MRTFA: variants seen among roughly 807,000 people sequenced by gnomAD.
The protein encoded by MRTFA is myocardin-related transcription factor A.
A neutral mutation model predicts 83.5 loss-of-function variants in MRTFA; 20 were observed. The observed-to-expected ratio is 0.24, with a 90% CI of 0.17 to 0.35. The LOEUF is 0.35. MRTFA is among the 10% of genes least tolerant of loss of function. The pLI is 1.00. For missense variants in MRTFA, 1,200 were observed against 1,224.7 expected, an observed-to-expected ratio of 0.98 and a Z score of 0.30; for synonymous variants, 659 against 541.2, an observed-to-expected ratio of 1.22 and a Z score of -3.02.
intron 2 of MRTFA, among the ~76,000 whole-genome samples, chr22:40,578,633 G>A (rs530180116): frequency 7.2e-5 from 11 of 152,116 alleles, no homozygotes; most frequent in African/African-American, 1.9e-4. Context: ...GAAAAGTAGC[G>A]AGTTGAGGCC....
At chr22:40,631,300 C>T (rs1334168062) in intron 1 of MRTFA, among the ~76,000 whole-genome samples, 2 of 152,148 alleles carry the variant, frequency 1.3e-5, no homozygotes, top group African/African-American at 4.8e-5. Flanking sequence ...CAGTTCTACG[C>T]TACTGCCCAA....
At chr22:40,519,380 T>A (rs1235935263) in intron 3 of MRTFA, 3 of 1,287,250 alleles carry the variant, frequency 2.3e-6, no homozygotes. Flanking sequence ...GAGGGTTTTG[T>A]GTAATATTTC....
chr22:40,437,708 C>G (rs527946785), intron 4 of MRTFA, among the ~76,000 whole-genome samples: 1 of 150,230 alleles, frequency 6.7e-6, no homozygotes. Context: ...GGTTGCAGTG[C>G]GCCAAGATAG....
At chr22:40,463,825 T>TA (rs753415746) in intron 3 of MRTFA, among the ~76,000 whole-genome samples, 12 of 152,176 alleles carry the variant, frequency 7.9e-5, no homozygotes, top group Non-Finnish European at 1.3e-4. Flanking sequence ...ATTTTACCGT[T>TA]AATATGCCTC....
intron 1 of MRTFA, among the ~76,000 whole-genome samples, chr22:40,620,985 C>T (rs1417445538): frequency 6.6e-6 from 1 of 151,838 alleles, no homozygotes; most frequent in East Asian, 1.9e-4. Context: ...AGTTCAAGAC[C>T]AGCCTGGGCA....
At chr22:40,417,534 TG>T in intron 12 of MRTFA, 41 bp from the exon 13 acceptor site, 2 of 659,360 alleles carry the variant, frequency 3.0e-6, no homozygotes, top group Non-Finnish European at 3.8e-6. Flanking sequence ...GCCAGGGGGC[TG>T]GGGGTGCAGA....
chr22:40,438,791 G>A lies in MRTFA; in HGVS notation c.308-3237C>T, dbSNP rs558205943. 5.9e-5 allele frequency among the ~76,000 whole-genome samples: 9 copies of A among 151,932 alleles called. 1 individual carries two copies. The highest frequency in any genetic ancestry group is 4.1e-4 in the South Asian group (2 of 4,820). ...TGTATAGAAAAAAAAAACACAGTAC[G>A]TATAGGATTTGGTACCATCTGCAGT... is the stretch of plus-strand genomic sequence containing the variant. On this transcript the variant is annotated intron_variant, in intron 4 of 14. Transcript: ENST00000355630.
intron 3 of MRTFA, among the ~76,000 whole-genome samples, chr22:40,539,422 C>G (rs1286837771): frequency 6.6e-6 from 1 of 151,298 alleles, no homozygotes; most frequent in Non-Finnish European, 1.5e-5. Flanking sequence ...TCACTGCAAC[C>G]TCCACCTCCT....
chr22:40,592,351 G>C (rs909351535), intron 2 of MRTFA, among the ~76,000 whole-genome samples: 3 of 151,284 alleles, frequency 2.0e-5, no homozygotes, highest in African/African-American at 7.3e-5. Flanking sequence ...CGGAGGCTGA[G>C]GCAGAAGGAT....
chr22:40,538,387 A>G (rs949867134), intron 3 of MRTFA, among the ~76,000 whole-genome samples: 3 of 149,234 alleles, frequency 2.0e-5, no homozygotes, highest in East Asian at 1.9e-4. Context: ...GTTAAGAGTC[A>G]TCACCAATCC....
At chr22:40,603,959 T>C (rs761870851) in intron 1 of MRTFA, among the ~76,000 whole-genome samples, 1 of 151,884 alleles carries the variant, frequency 6.6e-6, no homozygotes, top group Non-Finnish European at 1.5e-5. Context: ...TGGTGGTTCA[T>C]TGCATTATTC....
Position 40,612,855 on chromosome 22 carries a change from G to C in MRTFA, c.-83-18120C>G, listed in dbSNP as rs1323775402. On this transcript the variant is annotated intron_variant, in intron 1 of 14. Coordinates refer to ENST00000355630, the MANE Select transcript of MRTFA (RefSeq NM_020831.6). ...CCAGCTACTCAGGAGCCTAAGGTGG[G>C]AGGATCACTTGAGCACAGGAGGTCG... is the stretch of plus-strand genomic sequence containing the variant. Among the ~76,000 whole-genome samples, 3 of 152,186 alleles carry C rather than the reference G, an allele frequency of 2.0e-5. No homozygotes were observed. The East Asian group carries it at 5.8e-4, about 29-fold the overall frequency.
chr22:40,429,820 T>G (rs2053031659), intron 6 of MRTFA, 53 bp from the exon 7 acceptor site: 1 of 1,535,800 alleles, frequency 6.5e-7, no homozygotes, highest in East Asian at 2.3e-5. Flanking sequence ...GACGTGGTTC[T>G]GCCCCGGGAA....
rs933621432 is a variant in MRTFA, at chr22:40,578,671, T to C, written c.-22+16003A>G. ...GCACTGTGGGTCACACCTGTAATCC[T>C]AACACTTTGGGAGGCTGAGGCAAAC... On this transcript the variant is annotated intron_variant, in intron 2 of 14. Transcript: ENST00000355630. Among the ~76,000 whole-genome samples, 106 of 152,038 alleles carry C rather than the reference T, an allele frequency of 7.0e-4. 2 individuals are homozygous for C. Among genetic ancestry groups the C allele is most frequent in the Non-Finnish European group, 1.9e-4 (13 of 67,992 alleles).
At chr22:40,547,256 C>T (rs1481462208) in intron 3 of MRTFA, among the ~76,000 whole-genome samples, 3 of 151,778 alleles carry the variant, frequency 2.0e-5, no homozygotes, top group Non-Finnish European at 4.4e-5. Context: ...AAAGTTTCTG[C>T]CCTCAGGAAA....
chr22:40,586,630 C>A, intron 2 of MRTFA: 1 of 180,578 alleles, frequency 5.5e-6, no homozygotes, highest in Non-Finnish European at 1.1e-5. Flanking sequence ...CTGTTTTTTT[C>A]ACTGATCAGG....
chr22:40,458,432 T>C (rs1050472098), intron 4 of MRTFA, among the ~76,000 whole-genome samples: 1 of 152,134 alleles, frequency 6.6e-6, no homozygotes, highest in Non-Finnish European at 1.5e-5. Flanking sequence ...TTTAATCCCT[T>C]CAACTTTATG....
rs1033266071 is a variant in MRTFA, at chr22:40,418,449, T to A, written c.2289A>T (p.Thr763=). The A allele has an allele frequency of 2.5e-6, 4 of 1,613,842 alleles. No individual in the cohort carries two copies. Among genetic ancestry groups the A allele is most frequent in the Admixed American group, 1.7e-5 (1 of 59,986 alleles). ...TCACGGTGAGGACAAGGTGGGTCCC[T>A]GTGGAGTCGGTGATGAGGGTGGGAG... Residue 763 remains threonine, a synonymous_variant, in exon 12 of 15, where the codon ACA becomes ACT. Coordinates refer to ENST00000355630, the MANE Select transcript of MRTFA (RefSeq NM_020831.6).
At chr22:40,582,906 T>G (rs773689898) in intron 2 of MRTFA, among the ~76,000 whole-genome samples, 1 of 152,220 alleles carries the variant, frequency 6.6e-6, no homozygotes. Context: ...GATGGCAATC[T>G]GGCCAGGAGT....
Sources: gnomAD v4.1 joint callset for allele counts (sites outside exome capture counted in the v4.1 genomes callset) on GRCh38, gnomAD v4.1.1 for gene constraint, MANE v1.5 for transcripts, NCBI Gene and HGNC (gene_info 2026-07-23, HGNC 2026-07-21) for gene names.